DSG1: variants seen among roughly 807,000 people sequenced by gnomAD.
The protein encoded by DSG1 is desmoglein 1.
Under a neutral mutation model 97.5 loss-of-function variants are expected in DSG1, and 39 were observed. The ratio of observed to expected loss-of-function variants is 0.40; its 90% CI spans 0.31 to 0.52. DSG1 has a LOEUF of 0.52. Among genes scored for constraint, DSG1 ranks in the 20% least tolerant of loss-of-function variants. The probability of loss-of-function intolerance (pLI) is 0.53; values close to 1 mark genes in which losing one functional copy is unlikely to be tolerated. For synonymous variants in DSG1, 475 were observed against 443.4 expected, an observed-to-expected ratio of 1.07 and a Z score of -0.90; for missense variants, 1,311 against 1,295.4, an observed-to-expected ratio of 1.01 and a Z score of -0.18.
chr18:31,332,050 G>T (rs1006004980), intron 6 of DSG1, among the ~76,000 whole-genome samples, 183 bp downstream of exon 6: 2 of 151,866 alleles, frequency 1.3e-5, no homozygotes, highest in Non-Finnish European at 2.9e-5. Context: ...TTTCAATTAC[G>T]TTTTGTACTA....
intron 6 of DSG1, among the ~76,000 whole-genome samples, chr18:31,332,562 T>C (rs1200254640): frequency 6.6e-6 from 1 of 150,902 alleles, no homozygotes; most frequent in Non-Finnish European, 1.5e-5. Flanking sequence ...AATAAGTGCT[T>C]TTTCATTATT....
chr18:31,318,733 A>ATT lies in DSG1; in HGVS notation c.48+392_48+393dup, dbSNP rs5823798. 3.1e-4 allele frequency among the ~76,000 whole-genome samples: 46 copies of ATT among 149,498 alleles called. 1 individual carries two copies. In the South Asian group the frequency reaches 8.2e-3, roughly 27 times the overall value. On this transcript the variant is annotated intron_variant, in intron 1 of 14. Transcript: ENST00000257192. ...GGATTTTTAACCTGTTTTTTTTTTT[A>ATT]TTTTTTTTGTGTGTTTGGTGGTGGA... is the stretch of plus-strand genomic sequence containing the variant.
intron 1 of DSG1, among the ~76,000 whole-genome samples, chr18:31,323,187 A>T (rs958211800): frequency 2.0e-5 from 3 of 152,174 alleles, no homozygotes; most frequent in African/African-American, 7.2e-5. Context: ...CAGCCTGATA[A>T]CCTCTGTGTT....
rs535502178 is a variant in DSG1 at position 31,331,190 on chromosome 18, A to G, written c.518-511A>G. The stretch of plus-strand genomic sequence containing the variant: ...GATCACCCAAAACAAAACAGTAGTA[A>G]TGTATATTTATCAAACGTGCATTAT... On this transcript the variant is annotated intron_variant, in intron 5 of 14. Transcript: ENST00000257192. Among the ~76,000 whole-genome samples, 9 of 152,236 alleles carry G rather than the reference A, an allele frequency of 5.9e-5. No homozygotes were observed. In the East Asian group the frequency reaches 1.7e-3, roughly 29 times the overall value.
rs573218940 is a variant in DSG1, at chr18:31,330,297, T to G, written c.517+261T>G. Among the ~76,000 whole-genome samples the G allele has an allele frequency of 2.3e-4, 35 of 152,144 alleles. No individual in the cohort carries two copies. In the South Asian group the frequency reaches 7.3e-3, roughly 32 times the overall value. On this transcript the variant is annotated intron_variant, in intron 5 of 14. Transcript: ENST00000257192. ...TCCTAACAAGAAATTTTAAAGGCAT[T>G]TTGCACAATGGTGGCAGAGGCATCG...
At chr18:31,319,374 C>A (rs1003357230) in intron 1 of DSG1, among the ~76,000 whole-genome samples, 1 of 152,108 alleles carries the variant, frequency 6.6e-6, no homozygotes, top group Admixed American at 6.6e-5. Context: ...TAAGTTAGAT[C>A]TTTGATTCAA....
chr18:31,332,057 A>G (rs1449181674), intron 6 of DSG1, among the ~76,000 whole-genome samples, 190 bp downstream of exon 6: 2 of 152,242 alleles, frequency 1.3e-5, no homozygotes, highest in South Asian at 2.1e-4. Context: ...TACGTTTTGT[A>G]CTATTTTTCA....
intron 5 of DSG1, 111 bp downstream of exon 5, chr18:31,330,147 T>C: frequency 7.5e-7 from 1 of 1,340,784 alleles, no homozygotes; most frequent in Admixed American, 1.7e-5. Flanking sequence ...ATAGAAAAGA[T>C]GCAGAATAGC....
chr18:31,345,839 T>C, intron 13 of DSG1, 151 bp from the exon 14 acceptor site: 1 of 631,684 alleles, frequency 1.6e-6, no homozygotes, highest in South Asian at 2.0e-5. Context: ...CAATATTGTA[T>C]TTATATCTCC....
Position 31,339,842 on chromosome 18 carries a change from A to C in DSG1, c.1504A>C (p.Thr502Pro). ...TNTEPNTKITTNTGRQESTSS... is the reference protein window; with the variant it reads ...TNTEPNTKITPNTGRQESTSS... ...TACAGAGCCGAACACTAAAATTACT[A>C]CCAATACTGGCAGACAAGAAAGTAC... Residue 502 changes from threonine (T) to proline (P), a missense_variant, in exon 11 of 15, where the codon ACC becomes CCC. By Grantham distance (38) the Thr-to-Pro change is conservative. Around this residue, in one of 3 missense-constraint regions of DSG1, gnomAD observed 1,038 missense variants for 964.6 expected, o/e 1.08. Coordinates refer to ENST00000257192, the MANE Select transcript of DSG1 (RefSeq NM_001942.4). The C allele has an allele frequency of 6.2e-7, 1 of 1,614,066 alleles. No homozygotes were observed. The highest frequency in any genetic ancestry group is 8.5e-7 in the Non-Finnish European group (1 of 1,179,954).
intron 8 of DSG1, among the ~76,000 whole-genome samples, chr18:31,336,062 A>C (rs1023535602): frequency 1.3e-5 from 2 of 152,042 alleles, no homozygotes; most frequent in African/African-American, 4.8e-5. Flanking sequence ...CATACATTTG[A>C]CTATCTGTAT....
intron 8 of DSG1, among the ~76,000 whole-genome samples, chr18:31,335,367 T>C (rs897426212): frequency 5.3e-5 from 8 of 152,166 alleles, no homozygotes; most frequent in African/African-American, 1.7e-4. Context: ...ACTGGGGAAA[T>C]TGGAGTCTAA....
intron 1 of DSG1, among the ~76,000 whole-genome samples, chr18:31,320,221 AC>A (rs1598694588): frequency 6.6e-6 from 1 of 152,128 alleles, no homozygotes; most frequent in Non-Finnish European, 1.5e-5. Flanking sequence ...TAAAACAACC[AC>A]CACTATAGCA....
At chr18:31,335,146 C>T (rs921763670) in intron 8 of DSG1, among the ~76,000 whole-genome samples, 1 of 152,118 alleles carries the variant, frequency 6.6e-6, no homozygotes, top group Non-Finnish European at 1.5e-5. Flanking sequence ...TAATTTGAGA[C>T]AGTACGCAGG....
rs1808420218 is a variant in DSG1 at position 31,318,197 on chromosome 18, G to A, written c.-104G>A. 9.7e-7 allele frequency: 1 copy of A among 1,034,510 alleles called. No homozygotes were observed. The highest frequency in any genetic ancestry group is 1.3e-5 in the South Asian group (1 of 79,462). The allele number at this position is 1,034,510 out of a possible 1,614,324, so 64.1% of individuals were successfully genotyped here. On this transcript the variant is annotated 5_prime_UTR_variant, in exon 1 of 15. Transcript: ENST00000257192. ...AAGCCTGCATGTAAGAACATCTACT[G>A]AGAAATTATTTTAATCAGACACCAG...
rs1274547825 is a variant in DSG1, at chr18:31,355,257, C to T, written c.3061C>T (p.His1021Tyr). Reference sequence around the variant, plus strand: ...TGGCCACATGAGGAGTTCCTCTGACCATCACTTTAACCAAACCATTGGGTC... The same window carrying T: ...TGGCCACATGAGGAGTTCCTCTGACTATCACTTTAACCAAACCATTGGGTC... The part of the protein sequence containing the change: ...SIGHMRSSSD[H>Y]HFNQTIGSAS... The change falls in exon 15 of 15, where the codon CAT (histidine) becomes TAT (tyrosine). Residue 1021 changes from histidine (H) to tyrosine (Y), a missense_variant. By Grantham distance (83) the His-to-Tyr change is moderately conservative. Coordinates refer to ENST00000257192, the MANE Select transcript of DSG1 (RefSeq NM_001942.4). The T allele has an allele frequency of 4.3e-6, 7 of 1,612,376 alleles. No individual in the cohort carries two copies. Among genetic ancestry groups the T allele is most frequent in the Non-Finnish European group, 5.9e-6 (7 of 1,178,850 alleles).
chr18:31,334,939 C>T (rs528374869), intron 8 of DSG1, among the ~76,000 whole-genome samples: 2 of 151,914 alleles, frequency 1.3e-5, no homozygotes, highest in Admixed American at 1.3e-4. Context: ...TTTTTAAAAT[C>T]TACAACAGCT....
chr18:31,327,055 T>A, intron 3 of DSG1, 50 bp downstream of exon 3: 1 of 1,609,072 alleles, frequency 6.2e-7, no homozygotes, highest in East Asian at 2.2e-5. Context: ...TGGATAAAGT[T>A]TCAAAAGAAA....
chr18:31,347,499 T>C (rs2071849959), intron 14 of DSG1, among the ~76,000 whole-genome samples: 1 of 152,174 alleles, frequency 6.6e-6, no homozygotes, highest in Admixed American at 6.5e-5. Flanking sequence ...TCATTATGCA[T>C]AGCTAAGTTC....
Sources: allele counts gnomAD v4.1 joint callset (sites outside exome capture counted in the v4.1 genomes callset), GRCh38; gene constraint gnomAD v4.1.1; regional missense constraint gnomAD v4.1.1; transcripts MANE v1.5; gene names NCBI Gene and HGNC (gene_info 2026-07-23, HGNC 2026-07-21).